Variants in HCN1 observed in about 807,000 individuals in gnomAD.
HCN1 encodes potassium/sodium hyperpolarization-activated cyclic nucleotide-gated channel 1.
HCN1 carries 13 observed loss-of-function variants against 78.9 expected under a neutral mutation model. The ratio of observed to expected loss-of-function variants is 0.16; its 90% confidence interval spans 0.11 to 0.26. The LOEUF (loss-of-function observed/expected upper bound fraction) is 0.26, where lower values mean the gene tolerates loss of function less well. HCN1 is among the 10% of genes least tolerant of loss of function. The probability of loss-of-function intolerance (pLI) is 1.00; values close to 1 mark genes in which losing one functional copy is unlikely to be tolerated. For missense variants in HCN1, 810 were observed against 1,154.3 expected, an observed-to-expected ratio of 0.70 and a Z score of 4.32; for synonymous variants, 552 against 455.5, an observed-to-expected ratio of 1.21 and a Z score of -2.70.
intron 5 of HCN1, among the ~76,000 whole-genome samples, chr5:45,349,083 C>T (rs1247908913): frequency 6.6e-6 from 1 of 152,088 alleles, no homozygotes; most frequent in African/African-American, 2.4e-5. Flanking sequence ...TTTTTCAGCA[C>T]CACACCACAC....
At chr5:45,334,700 G>A (rs748767669) in intron 5 of HCN1, among the ~76,000 whole-genome samples, 25 of 151,956 alleles carry the variant, frequency 1.6e-4, no homozygotes, top group Non-Finnish European at 3.2e-4. Context: ...AGAGATGCAT[G>A]GACAACGCTC....
rs558159801 is a variant in HCN1 at position 45,676,095 on chromosome 5, AT to A, written c.425+19573del. On this transcript the variant is annotated intron_variant, in intron 1 of 7. Coordinates refer to ENST00000303230, the MANE Select transcript of HCN1 (RefSeq NM_021072.4). Reference sequence around the variant, plus strand: ...TGTGAGTGCATGTATGTGTATGTATATTTTTATATGGTTGAACTTCATATAA... The same window carrying A: ...TGTGAGTGCATGTATGTGTATGTATATTTTATATGGTTGAACTTCATATAA... Among the ~76,000 whole-genome samples the A allele has an allele frequency of 3.9e-5, 6 of 151,904 alleles. No homozygotes were observed. The East Asian group carries it at 1.2e-3, about 29-fold the overall frequency.
intron 2 of HCN1, among the ~76,000 whole-genome samples, chr5:45,549,561 C>A (rs1743314158): frequency 1.3e-5 from 2 of 152,232 alleles, no homozygotes; most frequent in South Asian, 4.1e-4. Context: ...AAAACCTGTG[C>A]AATACCATTC....
chr5:45,567,558 TACACACACACAC>T (rs36230541), intron 2 of HCN1, among the ~76,000 whole-genome samples: 115 of 133,016 alleles, frequency 8.6e-4, no homozygotes, highest in African/African-American at 2.4e-3. Context: ...CATTTTAGGC[TACACACACACAC>T]ACACACACAC....
At chr5:45,547,211 C>T (rs992723341) in intron 2 of HCN1, among the ~76,000 whole-genome samples, 5 of 151,716 alleles carry the variant, frequency 3.3e-5, no homozygotes, top group African/African-American at 9.7e-5. Context: ...AGAATATACA[C>T]GACACATTGA....
intron 4 of HCN1, among the ~76,000 whole-genome samples, chr5:45,380,034 A>T (rs1048949825): frequency 4.6e-5 from 7 of 152,068 alleles, no homozygotes; most frequent in African/African-American, 1.7e-4. Context: ...AAGAGTTAGG[A>T]TCCATTTGTC....
chr5:45,281,981 G>A lies in HCN1; in HGVS notation c.1619-14728C>T, dbSNP rs961481551. ...GATATTCTTTCATATTGAGCCACAC[G>A]TTTAAATTTTATTGACTTTTACACT... On this transcript the variant is annotated intron_variant, in intron 6 of 7. Transcript: ENST00000303230. 4.6e-5 allele frequency among the ~76,000 whole-genome samples: 7 copies of A among 151,992 alleles called. No individual in the cohort carries two copies. In the South Asian group the frequency reaches 6.2e-4, roughly 13 times the overall value.
At chr5:45,537,666 T>C (rs1742997625) in intron 2 of HCN1, among the ~76,000 whole-genome samples, 1 of 150,594 alleles carries the variant, frequency 6.6e-6, no homozygotes, top group African/African-American at 2.4e-5. Context: ...ACCTCCCGAG[T>C]AGCTGGAGTT....
chr5:45,364,048 A>G (rs903809994), intron 4 of HCN1, among the ~76,000 whole-genome samples: 2 of 152,070 alleles, frequency 1.3e-5, no homozygotes, highest in African/African-American at 4.8e-5. Context: ...AAACTAAGAC[A>G]GTATTACAAA....
intron 3 of HCN1, among the ~76,000 whole-genome samples, chr5:45,436,820 G>A (rs1055038545): frequency 5.9e-5 from 9 of 152,034 alleles, no homozygotes; most frequent in African/African-American, 2.2e-4. Context: ...TGCACTTTTT[G>A]TTGGAATAAA....
At chr5:45,349,709 A>G (rs899976581) in intron 5 of HCN1, among the ~76,000 whole-genome samples, 4 of 152,218 alleles carry the variant, frequency 2.6e-5, no homozygotes, top group African/African-American at 9.6e-5. Flanking sequence ...CCGATCCCAC[A>G]GAAATACAAA....
At chr5:45,390,470 T>TA (rs1561137540) in intron 4 of HCN1, among the ~76,000 whole-genome samples, 1 of 152,040 alleles carries the variant, frequency 6.6e-6, no homozygotes, top group African/African-American at 2.4e-5. Flanking sequence ...TTTAGAGCTA[T>TA]AAAAAGAAGC....
chr5:45,332,454 T>G (rs1349138715), intron 5 of HCN1, among the ~76,000 whole-genome samples: 1 of 151,134 alleles, frequency 6.6e-6, no homozygotes, highest in African/African-American at 2.4e-5. Context: ...TTTTTTTTCG[T>G]ACCCATTAAC....
chr5:45,311,331 A>G (rs1289102358), intron 5 of HCN1, among the ~76,000 whole-genome samples: 1 of 152,170 alleles, frequency 6.6e-6, no homozygotes, highest in Non-Finnish European at 1.5e-5. Flanking sequence ...TTTTTATTTT[A>G]AAAGATCTCA....
chr5:45,432,041 C>T (rs770302854), intron 3 of HCN1, among the ~76,000 whole-genome samples: 10 of 152,116 alleles, frequency 6.6e-5, no homozygotes, highest in South Asian at 6.2e-4. Context: ...ACCATTTTAA[C>T]GATATTGATT....
chr5:45,330,213 A>T (rs1746317033), intron 5 of HCN1, among the ~76,000 whole-genome samples: 1 of 151,278 alleles, frequency 6.6e-6, no homozygotes, highest in African/African-American at 2.4e-5. Context: ...ATGTTCCAAG[A>T]TCCAAACCAT....
chr5:45,619,898 C>T (rs1314651309), intron 2 of HCN1, among the ~76,000 whole-genome samples: 1 of 151,888 alleles, frequency 6.6e-6, no homozygotes, highest in African/African-American at 2.4e-5. Context: ...TGACTTTCTT[C>T]TAATGAACAG....
chr5:45,633,156 ATTG>A (rs886625166), intron 2 of HCN1, among the ~76,000 whole-genome samples: 2 of 151,966 alleles, frequency 1.3e-5, no homozygotes, highest in Non-Finnish European at 2.9e-5. Flanking sequence ...ATTAAAATAT[ATTG>A]TTATTTCTCC....
chr5:45,519,064 C>T (rs965127533), intron 2 of HCN1, among the ~76,000 whole-genome samples: 2 of 151,590 alleles, frequency 1.3e-5, no homozygotes, highest in African/African-American at 4.8e-5. Flanking sequence ...AAAAAGAGGG[C>T]CATCAAAATC....
Sources: allele counts gnomAD v4.1 joint callset (sites outside exome capture counted in the v4.1 genomes callset), GRCh38; gene constraint gnomAD v4.1.1; transcripts MANE v1.5; gene names NCBI Gene and HGNC (gene_info 2026-07-23, HGNC 2026-07-21).